The following NEB variants were observed in gnomAD, a reference collection of about 807,000 sequenced individuals.
The protein encoded by NEB is nemaline myopathy type 2.
Under a neutral mutation model 952.2 loss-of-function variants are expected in NEB, and 512 were observed. The observed-to-expected ratio is 0.54, with a 90% CI of 0.50 to 0.58. The LOEUF is 0.58. Among genes scored for constraint, NEB ranks in the 20% least tolerant of loss-of-function variants. The pLI is 0.00. For synonymous variants in NEB, 2,900 were observed against 3,149.8 expected, an observed-to-expected ratio of 0.92 and a Z score of 2.66; for missense variants, 8,428 against 9,231.1, an observed-to-expected ratio of 0.91 and a Z score of 3.56.
At chr2:151,517,900 TA>T (rs1285517932) in intron 156 of NEB, among the ~76,000 whole-genome samples, 3 of 152,226 alleles carry the variant, frequency 2.0e-5, no homozygotes, top group Non-Finnish European at 4.4e-5. Context: ...GACTGTATCT[TA>T]AAAATTTAGT....
At chr2:151,487,835 T>A (rs1294568836) in intron 181 of NEB, among the ~76,000 whole-genome samples, 2 of 152,152 alleles carry the variant, frequency 1.3e-5, no homozygotes, top group African/African-American at 4.8e-5. Flanking sequence ...TAGGCTGGTC[T>A]TAAACTCCTG....
At position 151,538,197 on chromosome 2, in the gene NEB, C is replaced by T. The variant is rs369611234; in HGVS notation, c.20940G>A (p.Thr6980=). The part of the protein sequence containing the change: ...TFQKTKGKYH[T]VKDALDIVYH... The stretch of plus-strand genomic sequence containing the variant: ...AGACAATGTCTAGGGCATCTTTCAC[C>T]GTGTGGTATTTCCCTTTGGTCTTTT... The change falls in exon 139 of 182, where the codon ACG becomes ACA. Residue 6980 remains threonine (T), a synonymous_variant. Transcript: ENST00000397345. 112 of 1,613,056 alleles carry T rather than the reference C, an allele frequency of 6.9e-5. 1 individual carries two copies. Among genetic ancestry groups the T allele is most frequent in the Non-Finnish European group, 8.6e-5 (101 of 1,179,356 alleles).
chr2:151,573,827 C>G (rs1031756823), intron 107 of NEB, among the ~76,000 whole-genome samples: 7 of 152,094 alleles, frequency 4.6e-5, no homozygotes, highest in African/African-American at 1.7e-4. Flanking sequence ...TAGCCAGCCA[C>G]GTAACTGGAT....
intron 56 of NEB, among the ~76,000 whole-genome samples, 168 bp from the exon 57 acceptor site, chr2:151,644,297 AT>A (rs2098925593): frequency 6.6e-6 from 1 of 152,208 alleles, no homozygotes; most frequent in Non-Finnish European, 1.5e-5. Flanking sequence ...ATGAAATTCC[AT>A]ACATAATAAA....
intron 23 of NEB, 62 bp from the exon 24 acceptor site, chr2:151,690,887 A>C: frequency 8.0e-7 from 1 of 1,244,064 alleles, no homozygotes; most frequent in East Asian, 2.6e-5. Flanking sequence ...ATGCGCTAAC[A>C]TAAAAAATGG....
At chr2:151,614,776 C>T (rs1213942392) in intron 76 of NEB, among the ~76,000 whole-genome samples, 189 bp from the exon 77 acceptor site, 2 of 152,132 alleles carry the variant, frequency 1.3e-5, no homozygotes, top group Non-Finnish European at 2.9e-5. Flanking sequence ...TGCGCAGTCA[C>T]ACCACAAGCA....
Position 151,654,080 on chromosome 2 carries a change from C to T in NEB, c.6827G>A (p.Trp2276Ter). 1 of 1,606,422 alleles carries T rather than the reference C, an allele frequency of 6.2e-7. No homozygotes were observed. The highest frequency in any genetic ancestry group is 8.5e-7 in the Non-Finnish European group (1 of 1,176,248). Residue 2276 changes from tryptophan to a stop codon, truncating the protein, a stop_gained, in exon 52 of 182, where the codon TGG becomes TAG. Transcript: ENST00000397345. LOFTEE classifies it high-confidence loss of function. ...ATAGCCTTTCTTCAAAGCTTCTTCCCATCCAAGTTTATAGAGTTTCTGAAA... is the reference window on the plus strand; with the variant it reads ...ATAGCCTTTCTTCAAAGCTTCTTCCTATCCAAGTTTATAGAGTTTCTGAAA... ...LYSQKLYKLGWEEALKKGYDL... is the reference protein window; with the variant it reads ...LYSQKLYKLG
intron 163 of NEB, 127 bp downstream of exon 163, chr2:151,506,782 A>G: frequency 1.5e-6 from 1 of 659,756 alleles, no homozygotes; most frequent in Non-Finnish European, 2.6e-6. Flanking sequence ...ATTTTAGCAA[A>G]TCACTGCTAG....
In NEB at chr2:151,678,068, C is replaced by T; in HGVS notation, c.3375G>A (p.Glu1125=). 6.2e-7 allele frequency: 1 copy of T among 1,613,902 alleles called. No homozygotes were observed. Among genetic ancestry groups the T allele is most frequent in the Non-Finnish European group, 8.5e-7 (1 of 1,179,834 alleles). Residue 1125 remains glutamate (E), a synonymous_variant, in exon 33 of 182, where the codon GAG becomes GAA. Transcript: ENST00000397345. ...TTGTCTTCTCATAGTCTTTTTTATACTCCCGATCTGATTGTATCTTGGCCA... is the reference window on the plus strand; with the variant it reads ...TTGTCTTCTCATAGTCTTTTTTATATTCCCGATCTGATTGTATCTTGGCCA... ...MNVAKIQSDR[E]YKKDYEKTKS...
At chr2:151,533,587 G>T in intron 142 of NEB, 41 bp from the exon 143 acceptor site, 1 of 1,340,818 alleles carries the variant, frequency 7.5e-7, no homozygotes, top group Non-Finnish European at 1.0e-6. Context: ...AGAGACTTAT[G>T]AAGACAGAAA....
At chr2:151,570,005 G>A (rs1577999228) in intron 109 of NEB, 76 bp downstream of exon 109, 1 of 1,359,742 alleles carries the variant, frequency 7.4e-7, no homozygotes, top group South Asian at 1.4e-5. Flanking sequence ...GATGACAGAA[G>A]GGGTTAGTGT....
chr2:151,501,517 G>A (rs1354091603), intron 167 of NEB, 34 bp from the exon 168 acceptor site: 11 of 1,249,206 alleles, frequency 8.8e-6, no homozygotes, highest in Non-Finnish European at 1.1e-5. Context: ...AAATCAACCT[G>A]GACCCATCAT....
Position 151,672,581 on chromosome 2 carries a change from T to G in NEB, c.4087A>C (p.Lys1363Gln), listed in dbSNP as rs1278243204. 6.2e-7 allele frequency: 1 copy of G among 1,614,028 alleles called. No individual in the cohort carries two copies. Among genetic ancestry groups the G allele is most frequent in the South Asian group, 1.1e-5 (1 of 91,084 alleles). Reference protein sequence around the residue: ...PKLVHYMNVAKLQSDREYKKN... With the variant: ...PKLVHYMNVAQLQSDREYKKN... ...TTGTATTCACGATCAGACTGCAGCT[T>G]TGCCACATTCATATAGTGGACCAGC... The change falls in exon 37 of 182, where the codon AAG (lysine) becomes CAG (glutamine). Residue 1363 changes from lysine to glutamine, a missense_variant. Physicochemically the swap from Lys to Gln is moderately conservative, Grantham distance 53. This residue lies in a region of NEB where 2,851 missense variants were observed against 2,791.5 expected (regional missense o/e 1.02). Coordinates refer to ENST00000397345, the MANE Select transcript of NEB (RefSeq NM_001164508.2).
chr2:151,525,919 G>T (rs1215907087), intron 150 of NEB, 39 bp downstream of exon 150: 1 of 1,474,860 alleles, frequency 6.8e-7, no homozygotes, highest in Non-Finnish European at 9.5e-7. Flanking sequence ...CAGTCAAGTG[G>T]CATTGTTGCT....
chr2:151,671,416 A>G (rs563860284), intron 37 of NEB, 187 bp from the exon 38 acceptor site: 56 of 571,542 alleles, frequency 9.8e-5, no homozygotes, highest in African/African-American at 9.5e-4. Context: ...AGAGTGCATT[A>G]TACAACACAG....
chr2:151,675,745 AT>A (rs551433596), intron 34 of NEB, among the ~76,000 whole-genome samples: 1 of 151,680 alleles, frequency 6.6e-6, no homozygotes, highest in South Asian at 2.1e-4. Flanking sequence ...GTTAGTTTCT[AT>A]TTTTTTATCC....
At chr2:151,625,487 C>T (rs1050449287) in intron 71 of NEB, 47 bp downstream of exon 71, 12 of 1,385,050 alleles carry the variant, frequency 8.7e-6, no homozygotes, top group Non-Finnish European at 1.1e-5. Context: ...CCTACATCGG[C>T]AACAATCAAT....
At chr2:151,696,539 C>T in intron 17 of NEB, 98 bp downstream of exon 17, 1 of 895,272 alleles carries the variant, frequency 1.1e-6, no homozygotes, top group Non-Finnish European at 1.8e-6. Flanking sequence ...ACTTACTTAG[C>T]CTTTTGAATA....
chr2:151,503,094 A>C (rs2065958884), intron 166 of NEB: 2 of 586,420 alleles, frequency 3.4e-6, no homozygotes, highest in Admixed American at 3.4e-5. Context: ...GGAAAGCATT[A>C]AGTTATATAA....
Sources: allele counts gnomAD v4.1 joint callset (sites outside exome capture counted in the v4.1 genomes callset), GRCh38; gene constraint gnomAD v4.1.1; regional missense constraint gnomAD v4.1.1; transcripts MANE v1.5; gene names NCBI Gene and HGNC (gene_info 2026-07-23, HGNC 2026-07-21).